The following FLT3LG variants were observed in gnomAD, a reference collection of about 807,000 sequenced individuals.
FLT3LG encodes fms related receptor tyrosine kinase 3 ligand.
A neutral mutation model predicts 30.9 loss-of-function variants in FLT3LG; 8 were observed. That is an observed-to-expected ratio of 0.26 (90% CI 0.15 to 0.47). The LOEUF is 0.47. FLT3LG is among the 20% of genes least tolerant of loss of function. The pLI is 0.99. For synonymous variants in FLT3LG, 123 were observed against 135.9 expected (o/e 0.91, Z 0.66); for missense variants, 278 against 306.2 (o/e 0.91, Z 0.69).
At chr19:49,482,822 T>A (rs894225050) in intron 8 of FLT3LG, among the ~76,000 whole-genome samples, 1 of 151,814 alleles carries the variant, frequency 6.6e-6, no homozygotes, top group Non-Finnish European at 1.5e-5. Flanking sequence ...AGAGACAAGG[T>A]TTCACCATGT....
chr19:49,479,096 C>T lies in FLT3LG; in HGVS notation c.481+49C>T, dbSNP rs373232707. 1.9e-5 allele frequency: 29 copies of T among 1,556,352 alleles called. No individual in the cohort carries two copies. The African/African-American group carries it at 2.3e-4, about 12-fold the overall frequency. On this transcript the variant is annotated intron_variant, in intron 6 of 8. Transcript: ENST00000597551. ...CTCCTTCCCCTCCTGTCCTCACGGC[C>T]GCTCCTCCTCTCTGCACAGTGCATC...
At position 49,480,479 on chromosome 19, in the gene FLT3LG, G is replaced by A; in HGVS notation, c.660+3G>A. ...GGACACCCCGCCCTGGGGAGCAGGT[G>A]AGCAGGCTGGGAAGAGGGGGTGAGG... On this transcript the variant is annotated splice_donor_region_variant and intron_variant, in intron 7 of 8. Transcript: ENST00000597551. The A allele has an allele frequency of 6.3e-7, 1 of 1,589,058 alleles. No homozygotes were observed. The highest frequency in any genetic ancestry group is 8.6e-7 in the Non-Finnish European group (1 of 1,168,022).
chr19:49,479,336 A>G (rs1263201645), intron 6 of FLT3LG, among the ~76,000 whole-genome samples: 2 of 150,966 alleles, frequency 1.3e-5, no homozygotes, highest in Non-Finnish European at 2.9e-5. Context: ...CTGGGACCAC[A>G]GGCGCCCGCC....
At chr19:49,480,235 C>T (rs1017506365) in intron 6 of FLT3LG, 63 bp from the exon 7 acceptor site, 5 of 1,194,230 alleles carry the variant, frequency 4.2e-6, no homozygotes, top group Non-Finnish European at 5.9e-6. Flanking sequence ...GGCAGCCAGG[C>T]CTCTCTTTCC....
In FLT3LG at chr19:49,474,492, C is replaced by G. The variant is rs544004477; in HGVS notation, c.-37-111C>G. Reference sequence around the variant, plus strand: ...GCAGGAAGCCTGGGGGAGGAAGGGGCGGAAACTCAGCCACATCAATGGGAC... The same window carrying G: ...GCAGGAAGCCTGGGGGAGGAAGGGGGGGAAACTCAGCCACATCAATGGGAC... On this transcript the variant is annotated intron_variant, in intron 1 of 8. Coordinates refer to ENST00000597551, the MANE Select transcript of FLT3LG (RefSeq NM_001459.4). 8 of 696,362 alleles carry G rather than the reference C, an allele frequency of 1.1e-5. No individual in the cohort carries two copies. The Admixed American group carries it at 2.1e-4, about 18-fold the overall frequency. 43.1% of individuals were successfully genotyped at this position (696,362 alleles called of 1,614,324 possible).
At chr19:49,484,189 T>TG (rs1363256705) in intron 8 of FLT3LG, among the ~76,000 whole-genome samples, 2 of 150,360 alleles carry the variant, frequency 1.3e-5, no homozygotes, top group African/African-American at 4.9e-5. Flanking sequence ...AGCCTATCTT[T>TG]TTTTTTTTTT....
chr19:49,480,884 T>G, intron 8 of FLT3LG: 1 of 444,636 alleles, frequency 2.2e-6, no homozygotes, highest in Non-Finnish European at 4.1e-6. Flanking sequence ...ATACAAAAAT[T>G]AACTGGGCAT....
chr19:49,475,923 C>A, intron 3 of FLT3LG, 122 bp downstream of exon 3: 4 of 1,056,518 alleles, frequency 3.8e-6, no homozygotes, highest in Non-Finnish European at 4.3e-6. Context: ...TGGGCTCAAG[C>A]GATCCTCCCA....
chr19:49,474,837 AGGAGG>A (rs562736185), intron 2 of FLT3LG, among the ~76,000 whole-genome samples, 165 bp downstream of exon 2: 102 of 130,432 alleles, frequency 7.8e-4, no homozygotes, highest in African/African-American at 2.9e-3. Context: ...AGACGGACAG[AGGAGG>A]GGGAGATGGA....
intron 6 of FLT3LG, chr19:49,479,882 G>T: frequency 6.2e-6 from 1 of 161,342 alleles, no homozygotes. Context: ...TTGGCTCACT[G>T]CAACCTCCAT....
Position 49,480,314 on chromosome 19 carries a change from AC to A in FLT3LG, c.503del (p.Pro168HisfsTer80). 6.2e-7 allele frequency: 1 copy of A among 1,600,558 alleles called. No individual in the cohort carries two copies. The highest frequency in any genetic ancestry group is 8.5e-7 in the Non-Finnish European group (1 of 1,171,730). Reference sequence around the variant, plus strand: ...TCTCCCCAGACTCCTCAACCCTGCCACCCCCATGGAGTCCCCGGCCCCTGGA... The same window carrying A: ...TCTCCCCAGACTCCTCAACCCTGCCACCCCATGGAGTCCCCGGCCCCTGGA... The part of the protein sequence containing the change: ...QCQPDSSTLP[P>X]PWSPRPLEAT... On this transcript the variant is annotated frameshift_variant, in exon 7 of 9. Coordinates refer to ENST00000597551, the MANE Select transcript of FLT3LG (RefSeq NM_001459.4). LOFTEE classifies it high-confidence loss of function.
intron 8 of FLT3LG, among the ~76,000 whole-genome samples, chr19:49,484,560 G>C (rs934097619): frequency 1.3e-5 from 2 of 151,388 alleles, no homozygotes; most frequent in African/African-American, 4.9e-5. Flanking sequence ...GCAACGGCAC[G>C]ATCTCGGCTC....
At chr19:49,477,419 G>A (rs956088188) in intron 5 of FLT3LG, among the ~76,000 whole-genome samples, 1 of 152,080 alleles carries the variant, frequency 6.6e-6, no homozygotes, top group Non-Finnish European at 1.5e-5. Context: ...ACTCCAGCTT[G>A]AGCGACAGAG....
intron 5 of FLT3LG, among the ~76,000 whole-genome samples, chr19:49,477,786 G>A (rs2079445218): frequency 1.3e-5 from 2 of 152,082 alleles, no homozygotes; most frequent in Admixed American, 1.3e-4. Flanking sequence ...AGTGGCTCAC[G>A]CCTGTAATCC....
intron 8 of FLT3LG, among the ~76,000 whole-genome samples, chr19:49,482,948 A>G (rs2122569003): frequency 6.6e-6 from 1 of 152,046 alleles, no homozygotes; most frequent in South Asian, 2.1e-4. Flanking sequence ...AAAAAAGGAA[A>G]AAGAAGCAGG....
At chr19:49,479,820 T>TC (rs1483100632) in intron 6 of FLT3LG, 1 of 146,706 alleles carries the variant, frequency 6.8e-6, no homozygotes, top group Non-Finnish European at 1.5e-5. Flanking sequence ...GTTTTTTTTT[T>TC]CTAAGTCGGA....
intron 8 of FLT3LG, among the ~76,000 whole-genome samples, chr19:49,482,643 T>A (rs971304836): frequency 6.9e-6 from 1 of 144,474 alleles, no homozygotes; most frequent in Non-Finnish European, 1.5e-5. Context: ...TTTTTTTTTT[T>A]CCTGAGATGG....
In FLT3LG at chr19:49,476,232, T is replaced by C. The variant is rs762281740; in HGVS notation, c.198+34T>C. 6.4e-7 allele frequency: 1 copy of C among 1,571,428 alleles called. No individual in the cohort carries two copies. The highest frequency in any genetic ancestry group is 8.7e-7 in the Non-Finnish European group (1 of 1,144,724). Reference sequence around the variant, plus strand: ...TGTTGGGAGGGACCTGGGATGGAGGTGGGGACCACAGACTCAAGATGCTCC... The same window carrying C: ...TGTTGGGAGGGACCTGGGATGGAGGCGGGGACCACAGACTCAAGATGCTCC... On this transcript the variant is annotated intron_variant, in intron 4 of 8. Transcript: ENST00000597551. This position sits in a 1 kb window ranked among gnomAD's most constrained non-coding sequence, Gnocchi z 5.3.
Position 49,476,507 on chromosome 19 carries a change from C to A in FLT3LG, c.283C>A (p.Gln95Lys), listed in dbSNP as rs2079400037. 2.5e-6 allele frequency: 4 copies of A among 1,614,046 alleles called. No individual in the cohort carries two copies. Among genetic ancestry groups the A allele is most frequent in the Non-Finnish European group, 3.4e-6 (4 of 1,180,034 alleles). ...RLKTVAGSKMQGLLERVNTEI... is the reference protein window; with the variant it reads ...RLKTVAGSKMKGLLERVNTEI... The stretch of plus-strand genomic sequence containing the variant: ...CAAGACTGTCGCTGGGTCCAAGATG[C>A]AAGGCTTGCTGGAGCGCGTGAACAC... The change falls in exon 5 of 9, where the codon CAA becomes AAA. Residue 95 changes from glutamine to lysine, a missense_variant. Physicochemically the swap from Gln to Lys is moderately conservative, Grantham distance 53 (BLOSUM62 1). Coordinates refer to ENST00000597551, the MANE Select transcript of FLT3LG (RefSeq NM_001459.4). The surrounding 1 kb of genome is among the most constrained non-coding windows in gnomAD (Gnocchi z 5.3).
Sources: gnomAD v4.1 joint callset for allele counts (sites outside exome capture counted in the v4.1 genomes callset) on GRCh38, gnomAD v4.1.1 for gene constraint, Gnocchi (gnomAD v3.1) non-coding constraint, MANE v1.5 for transcripts, NCBI Gene and HGNC (gene_info 2026-07-23, HGNC 2026-07-21) for gene names.